Variants in SOX7 observed in about 807,000 individuals in gnomAD.
The protein encoded by SOX7 is SRY-box transcription factor 7.
In SOX7, 19 loss-of-function variants were observed where a neutral mutation model predicts 24.9. The observed-to-expected ratio is 0.76, with a 90% confidence interval of 0.53 to 1.12. The LOEUF (loss-of-function observed/expected upper bound fraction) is 1.12. Among genes scored for constraint, SOX7 ranks in the 50% most tolerant of loss-of-function variants. The pLI, the probability that SOX7 is intolerant of heterozygous loss-of-function variation, is 0.00. For missense variants in SOX7, 702 were observed against 535.0 expected (o/e 1.31, Z -3.08); for synonymous variants, 327 against 244.5 (o/e 1.34, Z -3.15).
chr8:10,727,231 T>A (rs1044134614), intron 1 of SOX7, among the ~76,000 whole-genome samples: 1 of 152,296 alleles, frequency 6.6e-6, no homozygotes, highest in East Asian at 1.9e-4. Flanking sequence ...TCACTTAGGT[T>A]AACAAATACC....
chr8:10,725,944 C>T lies in SOX7; in HGVS notation c.961G>A (p.Val321Met), dbSNP rs746671600. 1.1e-4 allele frequency: 181 copies of T among 1,613,236 alleles called. No homozygotes were observed. Among genetic ancestry groups the T allele is most frequent in the Non-Finnish European group, 1.5e-4 (174 of 1,179,388 alleles). ...CGATCCATGTCCCCCAGGAGTTCCACCTGGCTCAGTTGATCCAGGGCGTCG... is the reference window on the plus strand; with the variant it reads ...CGATCCATGTCCCCCAGGAGTTCCATCTGGCTCAGTTGATCCAGGGCGTCG... ...GFDALDQLSQ[V>M]ELLGDMDRNE... Residue 321 changes from valine (V) to methionine (M), a missense_variant, in exon 2 of 2, where the codon GTG becomes ATG. Coordinates refer to ENST00000304501, the MANE Select transcript of SOX7 (RefSeq NM_031439.4).
rs1800131174 is a variant in SOX7 at position 10,725,688 on chromosome 8, G to A, written c.*50C>T. On this transcript the variant is annotated 3_prime_UTR_variant, in exon 2 of 2. Transcript: ENST00000304501. ...CTGGACGGCTCCTCTGCCACTCAAG[G>A]CACAAGAAGGAGAGGGCGCGAGGGC... is the stretch of plus-strand genomic sequence containing the variant. 1 of 1,599,268 alleles carries A rather than the reference G, an allele frequency of 6.3e-7. No homozygotes were observed. The highest frequency in any genetic ancestry group is 8.6e-7 in the Non-Finnish European group (1 of 1,168,834).
intron 1 of SOX7, among the ~76,000 whole-genome samples, chr8:10,729,845 C>T (rs999478627): frequency 1.3e-5 from 2 of 152,078 alleles, no homozygotes; most frequent in African/African-American, 2.4e-5. Flanking sequence ...CAAACGTTTC[C>T]GTCCCTGCCC....
chr8:10,725,567 C>T lies in SOX7; in HGVS notation c.*171G>A, dbSNP rs576304407. On this transcript the variant is annotated 3_prime_UTR_variant, in exon 2 of 2. Transcript: ENST00000304501. ...TGGAACGTGGGGAAGGGGATAGAGG[C>T]GGCACTCGGATAAGGAGAGTCCAGC... 3.6e-5 allele frequency: 23 copies of T among 641,958 alleles called. No individual in the cohort carries two copies. The highest frequency in any genetic ancestry group is 5.4e-5 in the Non-Finnish European group (20 of 372,758). 39.8% of individuals were successfully genotyped at this position (641,958 alleles called of 1,614,324 possible). A position where few individuals can be genotyped will look rare whatever the true frequency, so the allele number is the denominator to read the frequency against.
Position 10,730,336 on chromosome 8 carries a change from G to A in SOX7, c.98C>T (p.Pro33Leu). Reference sequence around the variant, plus strand: ...GGAGCCCTTGTCCCCCGGGGGCCGGGGGACGGCCGGCGGCGATTGTCCATC... The same window carrying A: ...GGAGCCCTTGTCCCCCGGGGGCCGGAGGACGGCCGGCGGCGATTGTCCATC... ...LSDGQSPPAV[P>L]RPPGDKGSES... is the part of the protein sequence containing the mutation. Residue 33 changes from proline (P) to leucine (L), a missense_variant, in exon 1 of 2, where the codon CCC becomes CTC. Physicochemically the swap from Pro to Leu is moderately conservative, Grantham distance 98. Transcript: ENST00000304501. This position sits in a 1 kb window ranked among gnomAD's most constrained non-coding sequence, Gnocchi z 4.8. 1.9e-6 allele frequency: 3 copies of A among 1,568,338 alleles called. No homozygotes were observed. The highest frequency in any genetic ancestry group is 2.6e-6 in the Non-Finnish European group (3 of 1,161,244).
In SOX7 at chr8:10,725,726, G is replaced by C; in HGVS notation, c.*12C>G. 2.5e-6 allele frequency: 4 copies of C among 1,613,978 alleles called. No homozygotes were observed. Among genetic ancestry groups the C allele is most frequent in the Non-Finnish European group, 3.4e-6 (4 of 1,179,966 alleles). On this transcript the variant is annotated 3_prime_UTR_variant, in exon 2 of 2. Transcript: ENST00000304501. ...AGGGCGCGAGGGCTGACCGGACGGGGCGCCTCCAGCTCTATGACACACTGT... is the reference window on the plus strand; with the variant it reads ...AGGGCGCGAGGGCTGACCGGACGGGCCGCCTCCAGCTCTATGACACACTGT...
Position 10,730,171 on chromosome 8 carries a change from C to G in SOX7, c.238+25G>C. 1 of 1,478,310 alleles carries G rather than the reference C, an allele frequency of 6.8e-7. No individual in the cohort carries two copies. Among genetic ancestry groups the G allele is most frequent in the Non-Finnish European group, 8.9e-7 (1 of 1,119,794 alleles). 91.6% of individuals were successfully genotyped at this position (1,478,310 alleles called of 1,614,324 possible). On this transcript the variant is annotated intron_variant, in intron 1 of 1. Transcript: ENST00000304501. The surrounding 1 kb of genome is among the most constrained non-coding windows in gnomAD (Gnocchi z 4.8). The stretch of plus-strand genomic sequence containing the variant: ...CCCGCCGCCCGCCCCCGGCCCCCAG[C>G]CCGCTCGGCCGCGCGCTCACTCACC...
intron 1 of SOX7, 68 bp from the exon 2 acceptor site, chr8:10,726,734 GTGCACACACACGTGCACA>G (rs1425886211): frequency 1.3e-5 from 18 of 1,403,234 alleles, no homozygotes; most frequent in Middle Eastern, 3.9e-4. Context: ...ATGCACACGC[GTGCACACACACGTGCACA>G]TGCACACACA....
intron 1 of SOX7, among the ~76,000 whole-genome samples, chr8:10,728,247 T>A (rs1800193275): frequency 6.6e-6 from 1 of 152,250 alleles, no homozygotes; most frequent in South Asian, 2.1e-4. Context: ...CATTTAAAAA[T>A]GCTACCAAAG....
In SOX7 at chr8:10,726,032, T is replaced by C. The variant is rs1237580635; in HGVS notation, c.873A>G (p.Pro291=). The part of the protein sequence containing the change: ...PAYYSPATYH[P]LHSNLQAHLG... ...GGTGGGCTTGGAGGTTGGAGTGGAG[T>C]GGGTGGTAGGTGGCCGGGGAGTAAT... Residue 291 remains proline (P), a synonymous_variant, in exon 2 of 2, where the codon CCA becomes CCG. Transcript: ENST00000304501. The C allele has an allele frequency of 6.3e-7, 1 of 1,575,752 alleles. No individual in the cohort carries two copies. The highest frequency in any genetic ancestry group is 1.2e-5 in the South Asian group (1 of 83,438).
chr8:10,726,887 G>A (rs1800166864), intron 1 of SOX7, among the ~76,000 whole-genome samples: 1 of 152,170 alleles, frequency 6.6e-6, no homozygotes, highest in Non-Finnish European at 1.5e-5. Context: ...GCCAGATCGT[G>A]CACGGTGCAC....
Position 10,730,381 on chromosome 8 carries a change from G to A in SOX7, c.53C>T (p.Ala18Val). ...YPWPEGLECP[A>V]LDAELSDGQS... is the part of the protein sequence containing the mutation. Reference sequence around the variant, plus strand: ...TCCATCCGACAGCTCGGCGTCCAGGGCCGGGCACTCGAGACCCTCGGGCCA... The same window carrying A: ...TCCATCCGACAGCTCGGCGTCCAGGACCGGGCACTCGAGACCCTCGGGCCA... Residue 18 changes from alanine to valine, a missense_variant, in exon 1 of 2, where the codon GCC (alanine) becomes GTC (valine). By Grantham distance (64) the Ala-to-Val change is moderately conservative (BLOSUM62 0). Coordinates refer to ENST00000304501, the MANE Select transcript of SOX7 (RefSeq NM_031439.4). The surrounding 1 kb of genome is among the most constrained non-coding windows in gnomAD (Gnocchi z 4.8). 2 of 1,540,498 alleles carry A rather than the reference G, an allele frequency of 1.3e-6. No individual in the cohort carries two copies. Among genetic ancestry groups the A allele is most frequent in the South Asian group, 1.2e-5 (1 of 83,688 alleles).
At chr8:10,729,159 A>T (rs1450518767) in intron 1 of SOX7, among the ~76,000 whole-genome samples, 1 of 152,164 alleles carries the variant, frequency 6.6e-6, no homozygotes, top group Non-Finnish European at 1.5e-5. Flanking sequence ...TAGCCAGCAG[A>T]AAGAGGGGCG....
intron 1 of SOX7, 43 bp from the exon 2 acceptor site, chr8:10,726,709 C>A: frequency 6.6e-7 from 1 of 1,507,170 alleles, no homozygotes; most frequent in Non-Finnish European, 8.9e-7. Flanking sequence ...GTGCTGTGCC[C>A]CGCAGGCATC....
At chr8:10,727,298 C>T (rs768996098) in intron 1 of SOX7, among the ~76,000 whole-genome samples, 1 of 152,160 alleles carries the variant, frequency 6.6e-6, no homozygotes, top group Non-Finnish European at 1.5e-5. Context: ...GGCCAGAATG[C>T]TAGCATCTGC....
chr8:10,727,096 T>A (rs755807870), intron 1 of SOX7, among the ~76,000 whole-genome samples: 78 of 152,190 alleles, frequency 5.1e-4, no homozygotes, highest in Non-Finnish European at 2.2e-4. Flanking sequence ...ATCTCTGCCT[T>A]CATTGATTAG....
chr8:10,726,341 G>C lies in SOX7; in HGVS notation c.564C>G (p.Gly188=). 6.2e-7 allele frequency: 1 copy of C among 1,612,244 alleles called. No homozygotes were observed. Among genetic ancestry groups the C allele is most frequent in the Non-Finnish European group, 8.5e-7 (1 of 1,179,546 alleles). ...YHEGPAGGGG[G]GTPSSVDTYP... Reference sequence around the variant, plus strand: ...ACGTGTCCACACTGCTCGGGGTGCCGCCGCCGCCACCACCAGCCGGCCCCT... The same window carrying C: ...ACGTGTCCACACTGCTCGGGGTGCCCCCGCCGCCACCACCAGCCGGCCCCT... Residue 188 remains glycine, a synonymous_variant, in exon 2 of 2, where the codon GGC becomes GGG. Transcript: ENST00000304501.
At position 10,730,178 on chromosome 8, in the gene SOX7, G is replaced by C. The variant is rs781631864; in HGVS notation, c.238+18C>G. 1.8e-5 allele frequency: 26 copies of C among 1,442,270 alleles called. No homozygotes were observed. Among genetic ancestry groups the C allele is most frequent in the Middle Eastern group, 2.3e-4 (1 of 4,276 alleles). The allele number at this position is 1,442,270 out of a possible 1,614,324, so 89.3% of individuals were successfully genotyped here. A position where few individuals can be genotyped will look rare whatever the true frequency, so the allele number is the denominator to read the frequency against. ...CCCGCCCCCGGCCCCCAGCCCGCTCGGCCGCGCGCTCACTCACCCAGCATC... is the reference window on the plus strand; with the variant it reads ...CCCGCCCCCGGCCCCCAGCCCGCTCCGCCGCGCGCTCACTCACCCAGCATC... On this transcript the variant is annotated intron_variant, in intron 1 of 1. Coordinates refer to ENST00000304501, the MANE Select transcript of SOX7 (RefSeq NM_031439.4). The surrounding 1 kb of genome is among the most constrained non-coding windows in gnomAD (Gnocchi z 4.8).
chr8:10,726,652 C>T lies in SOX7; in HGVS notation c.253G>A (p.Ala85Thr), dbSNP rs752567343. 2.5e-6 allele frequency: 4 copies of T among 1,573,148 alleles called. No individual in the cohort carries two copies. The highest frequency in any genetic ancestry group is 3.4e-6 in the Non-Finnish European group (4 of 1,164,318). Residue 85 changes from alanine (A) to threonine (T), a missense_variant, in exon 2 of 2, where the codon GCG (alanine) becomes ACG (threonine). Physicochemically the swap from Ala to Thr is moderately conservative, Grantham distance 58. Transcript: ENST00000304501. The part of the protein sequence containing the change: ...LSKMLGKSWK[A>T]LTLSQKRPYV... ...GGCCTCTTCTGGGACAGCGTCAGCG[C>T]CTTCCACGACTTTCCTGCTCACACA...
Sources: gnomAD v4.1 joint callset for allele counts (sites outside exome capture counted in the v4.1 genomes callset) on GRCh38, gnomAD v4.1.1 for gene constraint, Gnocchi (gnomAD v3.1) non-coding constraint, MANE v1.5 for transcripts, NCBI Gene and HGNC (gene_info 2026-07-23, HGNC 2026-07-21) for gene names.